The following MACROD2 variants were observed in gnomAD, a reference collection of about 807,000 sequenced individuals.
The protein encoded by MACROD2 is mono-ADP ribosylhydrolase 2, also known as ADP-ribose glycohydrolase MACROD2.
MACROD2 carries 36 observed loss-of-function variants against 70.4 expected under a neutral mutation model. The observed-to-expected ratio is 0.51, with a 90% CI of 0.39 to 0.68. MACROD2 has a LOEUF of 0.68. Ranked by LOEUF, MACROD2 falls within the 30% of genes least tolerant of loss-of-function variation. MACROD2 has a pLI of 0.00. For synonymous variants in MACROD2, 172 were observed against 178.8 expected (o/e 0.96, Z 0.30); for missense variants, 496 against 538.4 (o/e 0.92, Z 0.78).
At chr20:15,628,269 A>G (rs565751193) in intron 8 of MACROD2, among the ~76,000 whole-genome samples, 1 of 152,224 alleles carries the variant, frequency 6.6e-6, no homozygotes, top group Non-Finnish European at 1.5e-5. Context: ...TTTAAGCCTC[A>G]TATCAACCAA....
At chr20:15,341,750 T>C (rs2078112072) in intron 6 of MACROD2, among the ~76,000 whole-genome samples, 1 of 152,168 alleles carries the variant, frequency 6.6e-6, no homozygotes, top group Non-Finnish European at 1.5e-5. Context: ...AGTAGATACA[T>C]TTAAAATTAA....
At chr20:14,298,581 A>AAAG (rs59141155) in intron 3 of MACROD2, among the ~76,000 whole-genome samples, 125,314 of 146,958 alleles carry the variant, frequency 0.85, 53,786 homozygotes, top group South Asian at 0.88. Context: ...AAAAAAAAAA[A>AAAG]AAGAAGTGAA....
At chr20:14,833,399 G>A (rs1036956749) in intron 5 of MACROD2, among the ~76,000 whole-genome samples, 3 of 152,080 alleles carry the variant, frequency 2.0e-5, no homozygotes, top group African/African-American at 7.2e-5. Context: ...GACAGCTGCA[G>A]AAGAAATCAC....
At chr20:16,019,773 A>G (rs1207852686) in intron 15 of MACROD2, among the ~76,000 whole-genome samples, 2 of 152,192 alleles carry the variant, frequency 1.3e-5, no homozygotes, top group African/African-American at 4.8e-5. Flanking sequence ...TGTTCTACCA[A>G]ACTGTCCAGG....
At chr20:15,103,134 T>C (rs1401957343) in intron 5 of MACROD2, among the ~76,000 whole-genome samples, 1 of 152,116 alleles carries the variant, frequency 6.6e-6, no homozygotes, top group Non-Finnish European at 1.5e-5. Flanking sequence ...TTATGTTCTG[T>C]TTCAGGAAAA....
intron 3 of MACROD2, among the ~76,000 whole-genome samples, chr20:14,164,902 C>A (rs1351171888): frequency 6.6e-6 from 1 of 152,134 alleles, no homozygotes; most frequent in African/African-American, 2.4e-5. Flanking sequence ...TTTGGCCTTG[C>A]AGTAGCCCAT....
intron 3 of MACROD2, among the ~76,000 whole-genome samples, chr20:14,369,413 G>A (rs1157916619): frequency 6.6e-6 from 1 of 152,076 alleles, no homozygotes; most frequent in African/African-American, 2.4e-5. Flanking sequence ...TTGGAGCAGG[G>A]GCAAATACAA....
At chr20:14,982,677 G>T (rs1326504061) in intron 5 of MACROD2, among the ~76,000 whole-genome samples, 1 of 152,206 alleles carries the variant, frequency 6.6e-6, no homozygotes, top group Non-Finnish European at 1.5e-5. Flanking sequence ...GTGCACAGAA[G>T]TCAAGAACTG....
chr20:14,875,972 G>A (rs775759645), intron 5 of MACROD2, among the ~76,000 whole-genome samples: 5 of 151,938 alleles, frequency 3.3e-5, no homozygotes, highest in Non-Finnish European at 7.4e-5. Context: ...ATTGTCCTCT[G>A]GTTATATATC....
Position 14,505,163 on chromosome 20 carries a change from T to C in MACROD2, c.301+11655T>C, listed in dbSNP as rs1017686442. 3.9e-5 allele frequency among the ~76,000 whole-genome samples: 6 copies of C among 152,332 alleles called. No homozygotes were observed. The South Asian group carries it at 6.2e-4, about 16-fold the overall frequency. ...GAAAAGTAGCTTTTAGGAACATATG[T>C]ACCAGTTATACAAGAATATATCTTC... On this transcript the variant is annotated intron_variant, in intron 4 of 17. Transcript: ENST00000684519.
intron 5 of MACROD2, among the ~76,000 whole-genome samples, chr20:14,956,659 A>G (rs1324125923): frequency 6.6e-6 from 1 of 152,212 alleles, no homozygotes; most frequent in Non-Finnish European, 1.5e-5. Context: ...TATCGATTGT[A>G]GGTCAGACAA....
At chr20:14,343,874 G>A (rs2122670875) in intron 3 of MACROD2, among the ~76,000 whole-genome samples, 1 of 152,304 alleles carries the variant, frequency 6.6e-6, no homozygotes, top group Admixed American at 6.5e-5. Context: ...TCTCTGTGTA[G>A]CCAGCTACTG....
At chr20:14,742,988 G>T (rs1368345525) in intron 5 of MACROD2, among the ~76,000 whole-genome samples, 1 of 151,840 alleles carries the variant, frequency 6.6e-6, no homozygotes, top group African/African-American at 2.4e-5. Context: ...GGATGGTCTC[G>T]ATCTCCTGAC....
intron 6 of MACROD2, among the ~76,000 whole-genome samples, chr20:15,343,180 A>G (rs1246803094): frequency 6.6e-6 from 1 of 152,250 alleles, no homozygotes; most frequent in Non-Finnish European, 1.5e-5. Context: ...AATTAGGGCC[A>G]TGAATCTGAA....
At chr20:16,000,786 G>C (rs540841977) in intron 15 of MACROD2, among the ~76,000 whole-genome samples, 3 of 152,302 alleles carry the variant, frequency 2.0e-5, no homozygotes, top group South Asian at 2.1e-4. Flanking sequence ...ACAAGTGCAA[G>C]TCTAATCTAT....
chr20:15,604,673 AC>A (rs1471981291), intron 8 of MACROD2, among the ~76,000 whole-genome samples: 1 of 152,208 alleles, frequency 6.6e-6, no homozygotes, highest in Non-Finnish European at 1.5e-5. Context: ...GGACGCAGAT[AC>A]ATGCCACCAA....
intron 6 of MACROD2, among the ~76,000 whole-genome samples, chr20:15,331,698 T>C (rs2077994429): frequency 1.3e-5 from 2 of 151,660 alleles, no homozygotes; most frequent in African/African-American, 4.9e-5. Context: ...GCAAAACTTC[T>C]CTTCTCATGT....
At chr20:15,780,256 C>A (rs1354430516) in intron 8 of MACROD2, among the ~76,000 whole-genome samples, 2 of 152,050 alleles carry the variant, frequency 1.3e-5, no homozygotes, top group Non-Finnish European at 2.9e-5. Flanking sequence ...TCTAGAAAAT[C>A]TTTTAACTGG....
At chr20:14,160,177 T>G (rs2055164451) in intron 3 of MACROD2, among the ~76,000 whole-genome samples, 1 of 152,092 alleles carries the variant, frequency 6.6e-6, no homozygotes, top group Admixed American at 6.6e-5. Flanking sequence ...CTGCCTGTGG[T>G]TTTCTTTTTT....
Sources: gnomAD v4.1 joint callset for allele counts (sites outside exome capture counted in the v4.1 genomes callset) on GRCh38, gnomAD v4.1.1 for gene constraint, MANE v1.5 for transcripts, NCBI Gene and HGNC (gene_info 2026-07-23, HGNC 2026-07-21) for gene names.